Variants in SNED1 observed in about 807,000 individuals in gnomAD.
SNED1 encodes sushi, nidogen and EGF like domains 1.
SNED1 carries 81 observed loss-of-function variants against 166.7 expected under a neutral mutation model. The observed-to-expected ratio is 0.49, with a 90% CI of 0.41 to 0.58. The LOEUF is 0.58. Ranked by LOEUF, SNED1 falls within the 20% of genes least tolerant of loss-of-function variation. The pLI is 0.00. For synonymous variants in SNED1, 762 were observed against 822.0 expected (o/e 0.93, Z 1.25); for missense variants, 1,604 against 2,000.2 (o/e 0.80, Z 3.78).
At chr2:241,036,216 A>G (rs1439593212) in intron 4 of SNED1, among the ~76,000 whole-genome samples, 2 of 151,770 alleles carry the variant, frequency 1.3e-5, no homozygotes, top group Admixed American at 6.6e-5. Context: ...TGGTGCCGCG[A>G]CGAAGGAGGC....
intron 15 of SNED1, 131 bp downstream of exon 15, chr2:241,052,599 A>T (rs13031812): frequency 3.2e-6 from 2 of 617,112 alleles, no homozygotes; most frequent in African/African-American, 2.6e-5. Flanking sequence ...GCCAAGCAGG[A>T]TATATGGGAT....
chr2:241,008,292 AGGGCTGCTCGT>A (rs1393393458), intron 1 of SNED1, among the ~76,000 whole-genome samples: 1 of 152,164 alleles, frequency 6.6e-6, no homozygotes, highest in African/African-American at 2.4e-5. Context: ...CCTCCCTCCG[AGGGCTGCTCGT>A]GGTGACCCGG....
intron 21 of SNED1, 143 bp downstream of exon 21, chr2:241,065,738 G>A: frequency 2.7e-6 from 2 of 738,546 alleles, no homozygotes; most frequent in South Asian, 1.9e-5. Flanking sequence ...GCTGGGGGTT[G>A]GAGGCACCGC....
rs1238282688 is a variant in SNED1 at position 241,068,520 on chromosome 2, C to G, written c.3195-391C>G. Among the ~76,000 whole-genome samples the G allele has an allele frequency of 6.6e-6, 1 of 152,130 alleles. No individual in the cohort carries two copies. The highest frequency in any genetic ancestry group is 1.5e-5 in the Non-Finnish European group (1 of 68,006). On this transcript the variant is annotated intron_variant, in intron 22 of 31. Coordinates refer to ENST00000310397, the MANE Select transcript of SNED1 (RefSeq NM_001080437.3). The surrounding 1 kb of genome is among the most constrained non-coding windows in gnomAD (Gnocchi z 5.3). ...GACTCCAGCCAGCAGCTTCCTGGGG[C>G]TGGGGTGGCATTGGCCTCACGTTGT...
At chr2:241,076,686 T>C (rs1260680672) in intron 27 of SNED1, among the ~76,000 whole-genome samples, 2 of 151,794 alleles carry the variant, frequency 1.3e-5, no homozygotes, top group Admixed American at 6.6e-5. Flanking sequence ...GCCAACATGG[T>C]GAAACCTGTT....
intron 18 of SNED1, 113 bp downstream of exon 18, chr2:241,063,813 C>A (rs1258485476): frequency 4.5e-6 from 4 of 879,282 alleles, no homozygotes; most frequent in South Asian, 1.7e-5. Context: ...GGGAGAGGGA[C>A]CCCCAGGGCT....
At chr2:241,034,441 T>A (rs1574941027) in intron 3 of SNED1, 127 bp from the exon 4 acceptor site, 1 of 859,250 alleles carries the variant, frequency 1.2e-6, no homozygotes, top group East Asian at 2.9e-5. Flanking sequence ...CAGGAACGGT[T>A]GGCTGAGGTC....
chr2:241,065,159 C>G, intron 20 of SNED1, 140 bp from the exon 21 acceptor site: 1 of 924,448 alleles, frequency 1.1e-6, no homozygotes, highest in Non-Finnish European at 1.6e-6. Flanking sequence ...AGGTACGTGG[C>G]CAGGGACAAA....
chr2:241,034,295 C>T (rs2125007047), intron 3 of SNED1, among the ~76,000 whole-genome samples: 1 of 152,336 alleles, frequency 6.6e-6, no homozygotes, highest in Middle Eastern at 3.4e-3. Flanking sequence ...GCTGTGCGCA[C>T]CCCCACTCAC....
intron 8 of SNED1, chr2:241,041,113 A>G (rs886914070): frequency 6.0e-6 from 2 of 332,016 alleles, no homozygotes; most frequent in Non-Finnish European, 1.2e-5. Context: ...CCCGTAAGAC[A>G]CAGAGGGTCA....
intron 10 of SNED1, 88 bp downstream of exon 10, chr2:241,048,854 T>A: frequency 7.9e-7 from 1 of 1,267,438 alleles, no homozygotes; most frequent in Non-Finnish European, 1.1e-6. Context: ...GGTCCGTAGG[T>A]CCAGACTGTC....
intron 8 of SNED1, among the ~76,000 whole-genome samples, chr2:241,046,344 A>G (rs997298402): frequency 2.0e-5 from 3 of 152,244 alleles, no homozygotes; most frequent in African/African-American, 7.2e-5. Context: ...TTACACACAA[A>G]TCCATATACA....
Position 241,033,891 on chromosome 2 carries a change from C to T in SNED1, c.642+16C>T, listed in dbSNP as rs761159261. 1.6e-5 allele frequency: 25 copies of T among 1,583,828 alleles called. No individual in the cohort carries two copies. Among genetic ancestry groups the T allele is most frequent in the Admixed American group, 5.4e-5 (3 of 56,030 alleles). On this transcript the variant is annotated intron_variant, in intron 3 of 31. Transcript: ENST00000310397. ...CGCAGCCCAGGTAGGCGAGTGCAGT[C>T]GGTGCTCTGTGTTCAGAACCCCTGC...
intron 4 of SNED1, among the ~76,000 whole-genome samples, chr2:241,035,048 G>A (rs567502110): frequency 6.5e-4 from 99 of 152,234 alleles, no homozygotes; most frequent in Non-Finnish European, 1.3e-3. Context: ...GGGTTTCGGG[G>A]GTAAAGAGTT....
At chr2:241,044,377 G>A (rs2061594888) in intron 8 of SNED1, among the ~76,000 whole-genome samples, 1 of 152,198 alleles carries the variant, frequency 6.6e-6, no homozygotes, top group African/African-American at 2.4e-5. Flanking sequence ...GAAAAAGATA[G>A]AGTAAGCACA....
chr2:241,029,284 G>T (rs1203996846), intron 1 of SNED1, among the ~76,000 whole-genome samples: 2 of 152,226 alleles, frequency 1.3e-5, no homozygotes, highest in African/African-American at 2.4e-5. Context: ...AATATATTTT[G>T]TATAGCTCTT....
At position 241,070,283 on chromosome 2, in the gene SNED1, G is replaced by A. The variant is rs890704506; in HGVS notation, c.3589+82G>A. ...TGTTCAGGACTGACCTGGCCCTGCA[G>A]GGGCCTGGGATGCCAGGCAGACAGC... On this transcript the variant is annotated intron_variant, in intron 24 of 31. Coordinates refer to ENST00000310397, the MANE Select transcript of SNED1 (RefSeq NM_001080437.3). The A allele has an allele frequency of 6.4e-6, 9 of 1,409,146 alleles. No homozygotes were observed. In the African/African-American group the frequency reaches 1.1e-4, roughly 18 times the overall value. 87.3% of individuals were successfully genotyped at this position (1,409,146 alleles called of 1,614,324 possible).
intron 2 of SNED1, among the ~76,000 whole-genome samples, chr2:241,032,930 T>G (rs1341835397): frequency 6.6e-6 from 1 of 152,220 alleles, no homozygotes; most frequent in East Asian, 1.9e-4. Context: ...TATAAATAGG[T>G]TTTTCACATT....
At position 241,069,945 on chromosome 2, in the gene SNED1, C is replaced by A; in HGVS notation, c.3333C>A (p.Thr1111=). The stretch of plus-strand genomic sequence containing the variant: ...GGCCCCTGCCTCCAGCAAACCTGAC[C>A]GCCGCCCGAGTCACTGCCACCTCTG... ...WTRPLPPANL[T]AARVTATSAH... The change falls in exon 24 of 32, where the codon ACC becomes ACA. Residue 1111 remains threonine (T), a synonymous_variant. Transcript: ENST00000310397. This position sits in a 1 kb window ranked among gnomAD's most constrained non-coding sequence, Gnocchi z 4.9. 1 of 1,612,768 alleles carries A rather than the reference C, an allele frequency of 6.2e-7. No homozygotes were observed. The highest frequency in any genetic ancestry group is 2.2e-5 in the East Asian group (1 of 44,882).
Sources: allele counts gnomAD v4.1 joint callset (sites outside exome capture counted in the v4.1 genomes callset), GRCh38; gene constraint gnomAD v4.1.1; non-coding constraint Gnocchi (gnomAD v3.1); transcripts MANE v1.5; gene names NCBI Gene and HGNC (gene_info 2026-07-23, HGNC 2026-07-21).